STXBP4: variants seen among roughly 807,000 people sequenced by gnomAD.
STXBP4 encodes the protein syntaxin binding protein 4, also known as syntaxin-binding protein 4.
In STXBP4, 55 loss-of-function variants were observed where a neutral mutation model predicts 76.1. The observed-to-expected ratio is 0.72, with a 90% CI of 0.58 to 0.91. STXBP4 has a LOEUF of 0.91. Ranked by LOEUF, STXBP4 falls within the 40% of genes least tolerant of loss-of-function variation. The pLI, the probability that STXBP4 is intolerant of heterozygous loss-of-function variation, is 0.00. For synonymous variants in STXBP4, 201 were observed against 220.2 expected (o/e 0.91, Z 0.77); for missense variants, 618 against 636.9 (o/e 0.97, Z 0.32).
At chr17:55,126,511 T>C (rs968590836) in intron 16 of STXBP4, among the ~76,000 whole-genome samples, 4 of 152,198 alleles carry the variant, frequency 2.6e-5, no homozygotes, top group African/African-American at 9.6e-5. Context: ...TCTGGGGTGG[T>C]GGTAATATTC....
At chr17:55,085,311 A>G (rs12939887) in intron 16 of STXBP4, among the ~76,000 whole-genome samples, 35,492 of 151,968 alleles carry the variant, frequency 0.23, 4,617 homozygotes, top group South Asian at 0.31. Context: ...ATACATATGT[A>G]ACTAACCTGC....
the STXBP4 span, among the ~76,000 whole-genome samples, chr17:55,200,835 A>G: frequency 8.5e-5 from 13 of 152,346 alleles, 1 homozygote; most frequent in South Asian, 6.2e-4. Flanking sequence ...TTAACAATTA[A>G]CAAACATAGT....
intron 12 of STXBP4, among the ~76,000 whole-genome samples, chr17:55,064,207 C>T (rs536883957): frequency 1.3e-5 from 2 of 152,228 alleles, no homozygotes; most frequent in East Asian, 3.9e-4. Flanking sequence ...CAAAGATTGT[C>T]TGTAACCATG....
chr17:55,153,335 C>T (rs2080236714), intron 17 of STXBP4, among the ~76,000 whole-genome samples: 3 of 152,156 alleles, frequency 2.0e-5, no homozygotes, highest in Admixed American at 6.5e-5. Context: ...GTAACACTCA[C>T]TGTCAAGTGG....
intron 1 of STXBP4, among the ~76,000 whole-genome samples, chr17:54,972,181 A>G (rs1400012076): frequency 6.6e-6 from 1 of 152,230 alleles, no homozygotes; most frequent in Admixed American, 6.5e-5. Context: ...GAATTAGCAA[A>G]TATGTCACAT....
chr17:55,088,760 T>C (rs1165769891), intron 16 of STXBP4, among the ~76,000 whole-genome samples: 1 of 152,162 alleles, frequency 6.6e-6, no homozygotes, highest in Non-Finnish European at 1.5e-5. Context: ...AAAATCTTCT[T>C]CCCAGAAATG....
At chr17:55,120,668 C>A (rs1366517557) in intron 16 of STXBP4, among the ~76,000 whole-genome samples, 2 of 152,186 alleles carry the variant, frequency 1.3e-5, no homozygotes, top group Non-Finnish European at 2.9e-5. Context: ...CTTCTGAAAT[C>A]TTTTCTAAAT....
At chr17:55,019,603 G>A (rs990681703) in intron 8 of STXBP4, among the ~76,000 whole-genome samples, 3 of 151,984 alleles carry the variant, frequency 2.0e-5, no homozygotes, top group African/African-American at 7.2e-5. Context: ...AGAATTACCT[G>A]TGTTTACCAT....
At chr17:55,052,107 A>G (rs888785945) in intron 12 of STXBP4, among the ~76,000 whole-genome samples, 1 of 152,166 alleles carries the variant, frequency 6.6e-6, no homozygotes, top group Non-Finnish European at 1.5e-5. Flanking sequence ...CAGACACCCT[A>G]ATAACAGTGA....
At chr17:54,973,128 T>C (rs1201256370) in intron 1 of STXBP4, among the ~76,000 whole-genome samples, 1 of 152,250 alleles carries the variant, frequency 6.6e-6, no homozygotes, top group Non-Finnish European at 1.5e-5. Flanking sequence ...CCCTTTCACC[T>C]ACCCTTTTCC....
intron 16 of STXBP4, among the ~76,000 whole-genome samples, chr17:55,098,941 G>T (rs945573413): frequency 4.6e-5 from 7 of 152,136 alleles, no homozygotes; most frequent in Non-Finnish European, 8.8e-5. Context: ...ACATATTCAA[G>T]AGACACTCAT....
chr17:55,047,855 A>G (rs2078810443), intron 12 of STXBP4, among the ~76,000 whole-genome samples: 1 of 151,902 alleles, frequency 6.6e-6, no homozygotes. Flanking sequence ...CCTTTAAAGT[A>G]CATATAAATA....
In STXBP4 at chr17:55,000,841, C is replaced by T; in HGVS notation, c.532C>T (p.Pro178Ser). ...KTGYNKTVQI[P>S]ITSENSTVGL... ...TGGATACAACAAAACAGTACAGATT[C>T]CAATTACTTCAGAAAACAGTACTGT... The change falls in exon 7 of 18, where the codon CCA becomes TCA. Residue 178 changes from proline (P) to serine (S), a missense_variant. By Grantham distance (74) the Pro-to-Ser change is moderately conservative. Coordinates refer to ENST00000376352, the MANE Select transcript of STXBP4 (RefSeq NM_178509.6). 6.2e-7 allele frequency: 1 copy of T among 1,610,596 alleles called. No homozygotes were observed. The highest frequency in any genetic ancestry group is 8.5e-7 in the Non-Finnish European group (1 of 1,177,314).
chr17:55,185,714 G>A, the STXBP4 span, among the ~76,000 whole-genome samples: 1 of 152,130 alleles, frequency 6.6e-6, no homozygotes, highest in African/African-American at 2.4e-5. Context: ...ACTCTGATAG[G>A]GCAAAGCACT....
At position 55,173,565 on chromosome 17, in the gene STXBP4, C is replaced by T. The variant is rs193029221; in HGVS notation, c.*13654C>T. 13 of 152,308 alleles carry T rather than the reference C, an allele frequency of 8.5e-5. No individual in the cohort carries two copies. The highest frequency in any genetic ancestry group is 3.3e-4 in the Admixed American group (5 of 15,306). 9.4% of individuals were successfully genotyped at this position (152,308 alleles called of 1,614,324 possible). The stretch of plus-strand genomic sequence containing the variant: ...ATACCACAGTTTCTTTAGCCATTCA[C>T]CCACTGAAAGTCATTTGGGTTGTTT... On this transcript the variant is annotated 3_prime_UTR_variant, in exon 18 of 18. Transcript: ENST00000376352.
chr17:55,001,455 A>G (rs1293555724), intron 7 of STXBP4, among the ~76,000 whole-genome samples: 1 of 152,184 alleles, frequency 6.6e-6, no homozygotes, highest in Non-Finnish European at 1.5e-5. Context: ...TTATGTGGCT[A>G]TAAGGTGCTT....
In STXBP4 at chr17:55,078,700, A is replaced by G. The variant is rs1204828710; in HGVS notation, c.1320A>G (p.Val440=). Residue 440 remains valine, a synonymous_variant, in exon 15 of 18, where the codon GTA becomes GTG. Transcript: ENST00000376352. The part of the protein sequence containing the change: ...LLHFVEAIQE[V]FSDNSTPLSN... The stretch of plus-strand genomic sequence containing the variant: ...TTTGTTGCTAGGCTATTCAAGAAGT[A>G]TTTTCTGATAATTCTACTCCTTTAT... 7 of 1,568,094 alleles carry G rather than the reference A, an allele frequency of 4.5e-6. No homozygotes were observed. Among genetic ancestry groups the G allele is most frequent in the Non-Finnish European group, 6.1e-6 (7 of 1,140,050 alleles).
chr17:55,028,741 G>C (rs1169415006), intron 8 of STXBP4, among the ~76,000 whole-genome samples: 1 of 152,078 alleles, frequency 6.6e-6, no homozygotes, highest in African/African-American at 2.4e-5. Flanking sequence ...ATGTTTAATT[G>C]CACTTGTAAT....
At chr17:54,992,258 T>TA (rs200245403) in intron 4 of STXBP4, among the ~76,000 whole-genome samples, 11 of 148,140 alleles carry the variant, frequency 7.4e-5, no homozygotes, top group East Asian at 2.0e-4. Context: ...TATTAAAAAT[T>TA]AAAAAAAAAA....
Sources: gnomAD v4.1 joint callset for allele counts (sites outside exome capture counted in the v4.1 genomes callset) on GRCh38, gnomAD v4.1.1 for gene constraint, MANE v1.5 for transcripts, NCBI Gene and HGNC (gene_info 2026-07-23, HGNC 2026-07-21) for gene names.